The following PRSS38 variants were observed in gnomAD, a reference collection of about 807,000 sequenced individuals.
The protein encoded by PRSS38 is serine protease 38.
PRSS38 carries 22 observed loss-of-function variants against 26.8 expected under a neutral mutation model. That is an observed-to-expected ratio of 0.82 (90% confidence interval 0.59 to 1.17). The LOEUF (loss-of-function observed/expected upper bound fraction) is 1.17, where lower values mean the gene tolerates loss of function less well. PRSS38 is among the 50% of genes most tolerant of loss of function. The pLI, the probability that PRSS38 is intolerant of heterozygous loss-of-function variation, is 0.00. For missense variants in PRSS38, 427 were observed against 422.7 expected (o/e 1.01, Z -0.09); for synonymous variants, 175 against 172.1 (o/e 1.02, Z -0.13).
chr1:227,845,990 C>A (rs773602792), exon 5 of PRSS38: 9 of 1,614,038 alleles, frequency 5.6e-6, no homozygotes, highest in Non-Finnish European at 7.6e-6. Context: ...TGAATTCAAC[C>A]GCAGCTGGTT....
chr1:227,819,505 C>CA, intron 3 of PRSS38, among the ~76,000 whole-genome samples: 1 of 151,934 alleles, frequency 6.6e-6, no homozygotes, highest in Non-Finnish European at 1.5e-5. Context: ...TTCATATCTA[C>CA]AAAAAAGGCC....
chr1:227,818,288 T>A (rs915649184), intron 3 of PRSS38, among the ~76,000 whole-genome samples: 28 of 152,190 alleles, frequency 1.8e-4, no homozygotes, highest in African/African-American at 6.5e-4. Flanking sequence ...ACTTAATTTT[T>A]AAAAAATTAT....
Position 227,817,498 on chromosome 1 carries a change from G to A in PRSS38, c.583+18G>A, listed in dbSNP as rs751758325. 6.2e-7 allele frequency: 1 copy of A among 1,609,916 alleles called. No individual in the cohort carries two copies. The highest frequency in any genetic ancestry group is 1.7e-5 in the Admixed American group (1 of 59,936). On this transcript the variant is annotated intron_variant, in intron 3 of 4. Transcript: ENST00000366757. ...AAAACAAGGTAGGAATACAGTGCAGGGCTTTGTGGGCAGGATGAAGGCTTC... is the reference window on the plus strand; with the variant it reads ...AAAACAAGGTAGGAATACAGTGCAGAGCTTTGTGGGCAGGATGAAGGCTTC...
intron 3 of PRSS38, among the ~76,000 whole-genome samples, chr1:227,838,393 C>T (rs1219342146): frequency 6.6e-6 from 1 of 152,156 alleles, no homozygotes; most frequent in African/African-American, 2.4e-5. Flanking sequence ...TGTCCATGGC[C>T]CTCTCCTGAG....
chr1:227,834,357 A>G (rs1665206002), intron 3 of PRSS38, among the ~76,000 whole-genome samples: 1 of 152,186 alleles, frequency 6.6e-6, no homozygotes, highest in Non-Finnish European at 1.5e-5. Context: ...GTTCTTAGAT[A>G]CAACAAAAAC....
intron 3 of PRSS38, among the ~76,000 whole-genome samples, chr1:227,825,299 G>A (rs1251007758): frequency 6.6e-6 from 1 of 152,002 alleles, no homozygotes; most frequent in Admixed American, 6.6e-5. Context: ...TCAAGCAATT[G>A]TCCTGCCTCA....
In PRSS38 at chr1:227,816,561, C is replaced by G. The variant is rs1186109835; in HGVS notation, c.311+309C>G. ...AAGTGTACAGTTAGGTTCCCATGAGCTAGGTTGGTCCTCAAATGCACAGCC... is the reference window on the plus strand; with the variant it reads ...AAGTGTACAGTTAGGTTCCCATGAGGTAGGTTGGTCCTCAAATGCACAGCC... On this transcript the variant is annotated intron_variant, in intron 2 of 4. Transcript: ENST00000366757. This position sits in a 1 kb window ranked among gnomAD's most constrained non-coding sequence, Gnocchi z 5.1. Among the ~76,000 whole-genome samples, 2 of 151,592 alleles carry G rather than the reference C, an allele frequency of 1.3e-5. No homozygotes were observed. The highest frequency in any genetic ancestry group is 2.9e-5 in the Non-Finnish European group (2 of 67,890).
intron 3 of PRSS38, among the ~76,000 whole-genome samples, chr1:227,827,455 A>AT (rs1330829755): frequency 1.3e-5 from 2 of 151,682 alleles, no homozygotes; most frequent in Non-Finnish European, 2.9e-5. Context: ...TCTTTTCTAG[A>AT]TTTTTTTAGT....
intron 3 of PRSS38, among the ~76,000 whole-genome samples, chr1:227,838,071 T>C (rs1405326482): frequency 6.6e-6 from 1 of 152,086 alleles, no homozygotes; most frequent in African/African-American, 2.4e-5. Context: ...TTAATTTCCT[T>C]AGTAGTGTCT....
Position 227,815,761 on chromosome 1 carries a change from CCTGGGCCTTCTGCT to C in PRSS38, c.46_59del (p.Leu16AlafsTer72). 1 of 1,611,352 alleles carries C rather than the reference CCTGGGCCTTCTGCT, an allele frequency of 6.2e-7. No homozygotes were observed. Among genetic ancestry groups the C allele is most frequent in the South Asian group, 1.1e-5 (1 of 90,972 alleles). On this transcript the variant is annotated frameshift_variant, in exon 1 of 5. Coordinates refer to ENST00000366757, the Ensembl canonical transcript of PRSS38. LOFTEE classifies it high-confidence loss of function. ...TCATGGGCCCACTCGGGCCCTCTGC[CCTGGGCCTTCTGCT>C]GCTGCTCCTGGTGGTGGCCCCTCCC...
At chr1:227,818,529 T>G (rs1664954902) in intron 3 of PRSS38, among the ~76,000 whole-genome samples, 1 of 151,984 alleles carries the variant, frequency 6.6e-6, no homozygotes, top group South Asian at 2.1e-4. Flanking sequence ...AAATGCTGAC[T>G]TAGCTGGGCT....
Position 227,816,376 on chromosome 1 carries a change from A to C in PRSS38, c.311+124A>C. The C allele has an allele frequency of 9.5e-6, 10 of 1,048,728 alleles. No individual in the cohort carries two copies. The highest frequency in any genetic ancestry group is 2.5e-5 in the East Asian group (1 of 39,990). 65.0% of individuals were successfully genotyped at this position (1,048,728 alleles called of 1,614,324 possible). A position where few individuals can be genotyped will look rare whatever the true frequency, so the allele number is the denominator to read the frequency against. On this transcript the variant is annotated intron_variant, in intron 2 of 4. Transcript: ENST00000366757. This position sits in a 1 kb window ranked among gnomAD's most constrained non-coding sequence, Gnocchi z 5.1. The stretch of plus-strand genomic sequence containing the variant: ...TTGTCGACTCCCTTCACCACTGTCG[A>C]CCCGCGCAAGGCCAGGTCCCCACCA...
intron 3 of PRSS38, among the ~76,000 whole-genome samples, chr1:227,842,756 A>C (rs2102686040): frequency 6.6e-6 from 1 of 152,082 alleles, no homozygotes; most frequent in Admixed American, 6.5e-5. Flanking sequence ...TTGTATTCTT[A>C]GTAGAATACG....
Position 227,845,562 on chromosome 1 carries a change from C to G in PRSS38, c.676C>G (p.Pro226Ala), listed in dbSNP as rs752607636. The stretch of plus-strand genomic sequence containing the variant: ...CTACGGACACATGTCCTACATCATG[C>G]CCGACATGCTGTGTGCTGGGGACAT... The change falls in exon 4 of 5, where the codon CCC becomes GCC. Residue 226 changes from proline to alanine, a missense_variant. Physicochemically the swap from Pro to Ala is conservative, Grantham distance 27. Coordinates refer to ENST00000366757, the Ensembl canonical transcript of PRSS38. 3 of 1,613,676 alleles carry G rather than the reference C, an allele frequency of 1.9e-6. No individual in the cohort carries two copies. The South Asian group carries it at 3.3e-5, about 18-fold the overall frequency.
chr1:227,841,472 C>G (rs61142237), intron 3 of PRSS38, among the ~76,000 whole-genome samples: 1,686 of 152,362 alleles, frequency 0.011, 32 homozygotes, highest in African/African-American at 0.039. Context: ...AGGGGACCCA[C>G]TAGTGCAGTT....
rs530287150 is a variant in PRSS38 at position 227,819,605 on chromosome 1, C to A, written c.583+2125C>A. 1.7e-3 allele frequency among the ~76,000 whole-genome samples: 254 copies of A among 152,286 alleles called. 2 individuals are homozygous for A. Among genetic ancestry groups the A allele is most frequent in the African/African-American group, 5.8e-3 (240 of 41,546 alleles). ...AATATTAAACCTGCCTATCCATAAA[C>A]ATGGAATGTATTTCCATTTATTTGA... On this transcript the variant is annotated intron_variant, in intron 3 of 4. Transcript: ENST00000366757.
chr1:227,845,597 T>G (rs1665416896), exon 4 of PRSS38: 1 of 1,613,536 alleles, frequency 6.2e-7, no homozygotes, highest in African/African-American at 1.3e-5. Flanking sequence ...TCCTGAATGC[T>G]AAGACCGTGT....
chr1:227,831,529 G>A (rs929235892), intron 3 of PRSS38, among the ~76,000 whole-genome samples: 1 of 152,078 alleles, frequency 6.6e-6, no homozygotes, highest in Non-Finnish European at 1.5e-5. Flanking sequence ...GGTCAAGTTG[G>A]CTGATAATGT....
At chr1:227,827,327 G>T (rs1207322956) in intron 3 of PRSS38, among the ~76,000 whole-genome samples, 2 of 151,992 alleles carry the variant, frequency 1.3e-5, no homozygotes, top group African/African-American at 4.8e-5. Flanking sequence ...TTTTTTGGTC[G>T]GTAGGCTATT....
Sources: gnomAD v4.1 joint callset for allele counts (sites outside exome capture counted in the v4.1 genomes callset) on GRCh38, gnomAD v4.1.1 for gene constraint, Gnocchi (gnomAD v3.1) non-coding constraint, MANE v1.5 for transcripts, NCBI Gene and HGNC (gene_info 2026-07-23, HGNC 2026-07-21) for gene names.